SEMA5B: variants seen among roughly 807,000 people sequenced by gnomAD.
SEMA5B encodes semaphorin-5B.
SEMA5B carries 66 observed loss-of-function variants against 135.0 expected under a neutral mutation model. That is an observed-to-expected ratio of 0.49 (90% confidence interval 0.40 to 0.60). The LOEUF (loss-of-function observed/expected upper bound fraction) is 0.60, where lower values mean the gene tolerates loss of function less well. Ranked by LOEUF, SEMA5B falls within the 20% of genes least tolerant of loss-of-function variation. The pLI, the probability that SEMA5B is intolerant of heterozygous loss-of-function variation, is 0.00. For missense variants in SEMA5B, 1,501 were observed against 1,566.3 expected, an observed-to-expected ratio of 0.96 and a Z score of 0.70; for synonymous variants, 690 against 639.5, an observed-to-expected ratio of 1.08 and a Z score of -1.19.
At chr3:123,020,901 G>T (rs1403592198) in intron 1 of SEMA5B, among the ~76,000 whole-genome samples, 1 of 152,232 alleles carries the variant, frequency 6.6e-6, no homozygotes, top group Non-Finnish European at 1.5e-5. Flanking sequence ...TCTCTGGACA[G>T]GGCCCAGCAG....
intron 1 of SEMA5B, among the ~76,000 whole-genome samples, chr3:123,020,959 G>A (rs1276194130): frequency 1.3e-5 from 2 of 152,232 alleles, no homozygotes; most frequent in Admixed American, 1.3e-4. Flanking sequence ...TGTTGAAAGG[G>A]AGCATGTGCC....
At chr3:122,911,343 C>A in intron 21 of SEMA5B, 148 bp downstream of exon 21, 1 of 1,541,072 alleles carries the variant, frequency 6.5e-7, no homozygotes, top group Admixed American at 2.0e-5. Context: ...GGGAACTGCC[C>A]AGACCACCCT....
chr3:122,926,592 G>A lies in SEMA5B; in HGVS notation c.936C>T (p.Arg312=), dbSNP rs1938646242. 1 of 1,614,268 alleles carries A rather than the reference G, an allele frequency of 6.2e-7. No individual in the cohort carries two copies. The highest frequency in any genetic ancestry group is 8.5e-7 in the Non-Finnish European group (1 of 1,180,046). ...CGCGGGCCACGCGAGAGTACACGGTGCGTCCACAGTCGTGCTCCACTGCGT... is the reference window on the plus strand; with the variant it reads ...CGCGGGCCACGCGAGAGTACACGGTACGTCCACAGTCGTGCTCCACTGCGT... ...RENAVEHDCG[R]TVYSRVARVC... Residue 312 remains arginine (R), a synonymous_variant, in exon 9 of 23, where the codon CGC becomes CGT. Transcript: ENST00000357599.
chr3:122,996,567 A>G (rs1264148975), intron 1 of SEMA5B, among the ~76,000 whole-genome samples: 2 of 152,224 alleles, frequency 1.3e-5, no homozygotes, highest in East Asian at 3.8e-4. Context: ...ATGGACTGAG[A>G]GCACTGTCTT....
At chr3:122,931,751 AT>A (rs1433171045) in intron 5 of SEMA5B, among the ~76,000 whole-genome samples, 3 of 152,058 alleles carry the variant, frequency 2.0e-5, no homozygotes, top group Non-Finnish European at 4.4e-5. Context: ...GATCTCCACA[AT>A]TTTCTTCCAT....
intron 4 of SEMA5B, among the ~76,000 whole-genome samples, chr3:122,940,410 G>A (rs1375034180): frequency 6.6e-6 from 1 of 152,250 alleles, no homozygotes; most frequent in African/African-American, 2.4e-5. Context: ...TGTGGAGACA[G>A]AGGAATGGTG....
At chr3:122,937,229 C>T (rs1939338174) in intron 5 of SEMA5B, among the ~76,000 whole-genome samples, 1 of 152,226 alleles carries the variant, frequency 6.6e-6, no homozygotes, top group African/African-American at 2.4e-5. Flanking sequence ...ACAGCAGACA[C>T]TGAGAACTGA....
At chr3:122,958,710 C>A (rs554817356) in intron 2 of SEMA5B, among the ~76,000 whole-genome samples, 6 of 152,300 alleles carry the variant, frequency 3.9e-5, no homozygotes, top group African/African-American at 1.4e-4. Flanking sequence ...ACCAGAGAGG[C>A]AAGGCAGAGG....
At chr3:122,990,003 A>G (rs1941827043) in intron 1 of SEMA5B, among the ~76,000 whole-genome samples, 1 of 152,180 alleles carries the variant, frequency 6.6e-6, no homozygotes, top group South Asian at 2.1e-4. Context: ...TGTTCTTTAG[A>G]TGCTGTTTAG....
intron 1 of SEMA5B, among the ~76,000 whole-genome samples, chr3:122,986,270 T>A (rs974830095): frequency 1.3e-5 from 2 of 152,184 alleles, no homozygotes; most frequent in Admixed American, 6.5e-5. Flanking sequence ...GCTTTGATAA[T>A]GGGAAACTTG....
At chr3:122,947,873 A>T (rs545619709) in intron 3 of SEMA5B, among the ~76,000 whole-genome samples, 1 of 152,062 alleles carries the variant, frequency 6.6e-6, no homozygotes, top group East Asian at 1.9e-4. Context: ...AGATCGTGAG[A>T]GAATGTCTGG....
intron 1 of SEMA5B, among the ~76,000 whole-genome samples, chr3:122,999,980 C>T (rs182205306): frequency 5.3e-4 from 80 of 152,256 alleles, no homozygotes; most frequent in Non-Finnish European, 1.0e-3. Context: ...GAGGCTGAGG[C>T]GGGCAGATCA....
Position 122,966,794 on chromosome 3 carries a change from G to A in SEMA5B, c.-38-5493C>T, listed in dbSNP as rs180950950. On this transcript the variant is annotated intron_variant, in intron 1 of 22. Transcript: ENST00000357599. ...AGGATGGTTTCGATCTCCTGACCTC[G>A]TGATCTGCCCGCCTCGGCCTCCCAA... Among the ~76,000 whole-genome samples, 1,017 of 150,102 alleles carry A rather than the reference G, an allele frequency of 6.8e-3. 9 individuals are homozygous for A. The highest frequency in any genetic ancestry group is 0.024 in the African/African-American group (969 of 41,040).
At chr3:122,949,923 A>AT (rs1939970257) in intron 2 of SEMA5B, among the ~76,000 whole-genome samples, 2 of 152,098 alleles carry the variant, frequency 1.3e-5, no homozygotes, top group African/African-American at 4.8e-5. Context: ...TATCCTTTAA[A>AT]TTTTGGGGGA....
In SEMA5B at chr3:122,966,055, C is replaced by CAAGGG. The variant is rs1270531721; in HGVS notation, c.-38-4755_-38-4754insCCCTT. Among the ~76,000 whole-genome samples the CAAGGG allele has an allele frequency of 2.6e-5, 4 of 152,226 alleles. No individual in the cohort carries two copies. The East Asian group carries it at 7.7e-4, about 29-fold the overall frequency. On this transcript the variant is annotated intron_variant, in intron 1 of 22. Transcript: ENST00000357599. ...GGACCCTCCAGCAGCTAACTTGAAT[C>CAAGGG]TCTCTGATTCCAGACCCTTCTCAGA... is the stretch of plus-strand genomic sequence containing the variant.
At chr3:122,918,275 C>T (rs1938175093) in intron 12 of SEMA5B, among the ~76,000 whole-genome samples, 1 of 152,220 alleles carries the variant, frequency 6.6e-6, no homozygotes, top group Non-Finnish European at 1.5e-5. Context: ...CCTCTTGCTC[C>T]TTCTTCCATC....
chr3:122,951,277 T>C (rs1480210939), intron 2 of SEMA5B, among the ~76,000 whole-genome samples: 2 of 152,248 alleles, frequency 1.3e-5, no homozygotes, highest in Admixed American at 6.5e-5. Context: ...CATGTATTTA[T>C]ATTTGCTTAT....
rs1939233868 is a variant in SEMA5B at position 122,935,686 on chromosome 3, C to CTTTCTTTTTTTTTTTTTTTTTTTT, written c.474+3738_474+3739insAAAAAAAAAAAAAAAAAAAAGAAA. ...CACTTTTTTTTCTTTTTCTTTCTTT[C>CTTTCTTTTTTTTTTTTTTTTTTTT]TTTTTTTTTTTTTTTTTTTTTTTTG... On this transcript the variant is annotated intron_variant, in intron 5 of 22. Transcript: ENST00000357599. Among the ~76,000 whole-genome samples, 102 of 70,264 alleles carry CTTTCTTTTTTTTTTTTTTTTTTTT rather than the reference C, an allele frequency of 1.5e-3. 1 individual carries two copies. Among genetic ancestry groups the CTTTCTTTTTTTTTTTTTTTTTTTT allele is most frequent in the South Asian group, 2.4e-3 (4 of 1,698 alleles). The allele number at this position is 70,264 out of a possible 152,430, so 46.1% of individuals were successfully genotyped here.
At chr3:122,928,179 G>A (rs1353826313) in intron 7 of SEMA5B, among the ~76,000 whole-genome samples, 176 bp from the exon 8 acceptor site, 1 of 152,152 alleles carries the variant, frequency 6.6e-6, no homozygotes, top group Non-Finnish European at 1.5e-5. Flanking sequence ...CAGTGAGGGA[G>A]AGGTCCTCCC....
Sources: gnomAD v4.1 joint callset for allele counts (sites outside exome capture counted in the v4.1 genomes callset) on GRCh38, gnomAD v4.1.1 for gene constraint, MANE v1.5 for transcripts, NCBI Gene and HGNC (gene_info 2026-07-23, HGNC 2026-07-21) for gene names.